The following TBC1D30 variants were observed in gnomAD, a reference collection of about 807,000 sequenced individuals.
TBC1D30 encodes the protein TBC1 domain family member 30, also known as TBC1 domain family, member 30.
Under a neutral mutation model 63.2 loss-of-function variants are expected in TBC1D30, and 31 were observed. That is an observed-to-expected ratio of 0.49 (90% CI 0.37 to 0.66). The LOEUF (loss-of-function observed/expected upper bound fraction) is 0.66. Among genes scored for constraint, TBC1D30 ranks in the 30% least tolerant of loss-of-function variants. The probability of loss-of-function intolerance (pLI) is 0.00; values close to 1 mark genes in which losing one functional copy is unlikely to be tolerated. For synonymous variants in TBC1D30, 307 were observed against 361.5 expected, an observed-to-expected ratio of 0.85 and a Z score of 1.71; for missense variants, 810 against 953.6, an observed-to-expected ratio of 0.85 and a Z score of 1.98.
At chr12:64,793,204 G>C (rs185886470) in intron 2 of TBC1D30, among the ~76,000 whole-genome samples, 5 of 152,038 alleles carry the variant, frequency 3.3e-5, no homozygotes, top group Non-Finnish European at 5.9e-5. Context: ...TTCGCTGGGC[G>C]TTGTGGCATG....
At chr12:64,786,533 T>TGCTGGTCAG (rs1248169803) in intron 2 of TBC1D30, among the ~76,000 whole-genome samples, 2 of 152,172 alleles carry the variant, frequency 1.3e-5, no homozygotes, top group South Asian at 2.1e-4. Context: ...GGTTTCACCT[T>TGCTGGTCAG]GCTGGTCAGG....
At chr12:64,804,503 T>A (rs953834986) in intron 2 of TBC1D30, among the ~76,000 whole-genome samples, 1 of 152,220 alleles carries the variant, frequency 6.6e-6, no homozygotes, top group Non-Finnish European at 1.5e-5. Flanking sequence ...CTGATTGCCC[T>A]GGCCAGAACT....
chr12:64,825,370 C>A (rs1355592485), intron 1 of TBC1D30: 2 of 290,226 alleles, frequency 6.9e-6, no homozygotes, highest in East Asian at 1.4e-4. Context: ...GCCGCACCAC[C>A]TATTGTGTTC....
At chr12:64,786,849 A>T (rs1871619520) in intron 2 of TBC1D30, among the ~76,000 whole-genome samples, 1 of 152,002 alleles carries the variant, frequency 6.6e-6, no homozygotes, top group Non-Finnish European at 1.5e-5. Context: ...AGGTTGAGGC[A>T]GGAGAATCAC....
intron 7 of TBC1D30, among the ~76,000 whole-genome samples, chr12:64,841,309 A>C (rs1199955955): frequency 6.6e-6 from 1 of 152,200 alleles, no homozygotes; most frequent in Non-Finnish European, 1.5e-5. Context: ...GGGAATATGT[A>C]AATTGTAGAC....
upstream of TBC1D30, among the ~76,000 whole-genome samples, chr12:64,778,449 T>G (rs1871142427): frequency 1.3e-5 from 2 of 151,478 alleles, no homozygotes; most frequent in Admixed American, 1.3e-4. Flanking sequence ...AAGAGGGTAT[T>G]ATGGGAAAAA....
intron 2 of TBC1D30, chr12:64,786,133 T>A (rs1009528350): frequency 4.8e-6 from 5 of 1,046,612 alleles, no homozygotes; most frequent in Admixed American, 5.9e-5. Context: ...TGTGAATATA[T>A]TGAGAAGTTT....
upstream of TBC1D30, among the ~76,000 whole-genome samples, chr12:64,821,687 C>T (rs1219285785): frequency 6.6e-6 from 1 of 152,178 alleles, no homozygotes; most frequent in Non-Finnish European, 1.5e-5. Flanking sequence ...CTTCCTATGG[C>T]TCTCAGTACA....
chr12:64,791,511 G>T (rs1199294697), intron 2 of TBC1D30, among the ~76,000 whole-genome samples: 3 of 152,042 alleles, frequency 2.0e-5, no homozygotes, highest in Non-Finnish European at 2.9e-5. Context: ...TGTTGTTGTT[G>T]TTGTTTTGGT....
Position 64,877,162 on chromosome 12 carries a change from G to T in TBC1D30, c.*1374G>T, listed in dbSNP as rs556199581. 1.1e-4 allele frequency: 25 copies of T among 232,068 alleles called. 1 individual carries two copies. The South Asian group carries it at 1.2e-3, about 11-fold the overall frequency. 14.4% of individuals were successfully genotyped at this position (232,068 alleles called of 1,614,324 possible). The stretch of plus-strand genomic sequence containing the variant: ...GCTCTGACTTCCTTATCCTGAACAG[G>T]GAGTTTATTTTAAAAATGCTTCATG... On this transcript the variant is annotated 3_prime_UTR_variant, in exon 12 of 12. Transcript: ENST00000539867.
chr12:64,838,831 T>G lies in TBC1D30; in HGVS notation c.912T>G (p.Ala304=). The change falls in exon 7 of 12, where the codon GCT becomes GCG. Residue 304 remains alanine, a synonymous_variant. Transcript: ENST00000539867. ...GSEIILRVSL[A]IWAKLGEQIE... ...AAATCATCCTAAGGGTGTCGCTGGC[T>G]ATCTGGGCAAAATTAGGAGAGTAAG... 6.5e-7 allele frequency: 1 copy of G among 1,536,132 alleles called. No individual in the cohort carries two copies. The highest frequency in any genetic ancestry group is 1.2e-5 in the South Asian group (1 of 84,062).
Position 64,878,829 on chromosome 12 carries a change from C to G in TBC1D30, c.*3041C>G, listed in dbSNP as rs186651379. On this transcript the variant is annotated 3_prime_UTR_variant, in exon 12 of 12. Transcript: ENST00000539867. ...CTGTGACCTGCCCAGCATTTGCAGA[C>G]TCGCTGGTTCCTGAATATGAGTAAG... 7.1e-3 allele frequency: 1,637 copies of G among 229,060 alleles called. 16 individuals carry two copies. Among genetic ancestry groups the G allele is most frequent in the South Asian group, 0.012 (185 of 14,928 alleles). The allele number at this position is 229,060 out of a possible 1,614,324, so 14.2% of individuals were successfully genotyped here.
At chr12:64,836,689 A>C in intron 6 of TBC1D30, 31 bp downstream of exon 6, 1 of 1,508,550 alleles carries the variant, frequency 6.6e-7, no homozygotes, top group Middle Eastern at 1.8e-4. Context: ...AACTCTGAAA[A>C]TATTTGTCTT....
chr12:64,835,641 A>G (rs1875281093), intron 5 of TBC1D30, among the ~76,000 whole-genome samples: 1 of 152,202 alleles, frequency 6.6e-6, no homozygotes. Flanking sequence ...AACTGCAAAC[A>G]AAGAAAGTAG....
chr12:64,802,183 A>G (rs1473116792), intron 2 of TBC1D30, among the ~76,000 whole-genome samples: 1 of 152,162 alleles, frequency 6.6e-6, no homozygotes, highest in Non-Finnish European at 1.5e-5. Flanking sequence ...CCTCCCCGAC[A>G]TCATTTGCAG....
rs376949526 is a variant in TBC1D30 at position 64,860,963 on chromosome 12, C to T, written c.1039-3705C>T. 8.5e-5 allele frequency among the ~76,000 whole-genome samples: 13 copies of T among 152,212 alleles called. No homozygotes were observed. In the East Asian group the frequency reaches 1.2e-3, roughly 14 times the overall value. ...ATAAGGCAACATCTCATTTCGCTTA[C>T]AGTTTAAACGTTGCCAGAAGGAATG... On this transcript the variant is annotated intron_variant, in intron 8 of 11. Transcript: ENST00000539867.
intron 8 of TBC1D30, among the ~76,000 whole-genome samples, chr12:64,857,432 T>C (rs1043599618): frequency 2.0e-5 from 3 of 152,188 alleles, no homozygotes; most frequent in African/African-American, 7.2e-5. Flanking sequence ...CCTGGTGCCC[T>C]ATCCTGTTGT....
At chr12:64,789,793 AT>A in intron 2 of TBC1D30, among the ~76,000 whole-genome samples, 2 of 152,290 alleles carry the variant, frequency 1.3e-5, no homozygotes, top group South Asian at 4.1e-4. Flanking sequence ...TTTCCCCTAT[AT>A]TTAACCATTT....
At chr12:64,825,100 T>C in intron 1 of TBC1D30, 67 bp downstream of exon 1, 1 of 1,485,650 alleles carries the variant, frequency 6.7e-7, no homozygotes, top group Non-Finnish European at 8.9e-7. Context: ...GCTTCTGCCT[T>C]AGCCTGACTC....
Sources: allele counts gnomAD v4.1 joint callset (sites outside exome capture counted in the v4.1 genomes callset), GRCh38; gene constraint gnomAD v4.1.1; transcripts MANE v1.5; gene names NCBI Gene and HGNC (gene_info 2026-07-23, HGNC 2026-07-21).